PLEKHM3: variants seen among roughly 807,000 people sequenced by gnomAD.
The protein encoded by PLEKHM3 is pleckstrin homology domain containing M3, also known as pleckstrin homology domain-containing family M member 3.
PLEKHM3 carries 45 observed loss-of-function variants against 81.8 expected under a neutral mutation model. That is an observed-to-expected ratio of 0.55 (90% confidence interval 0.43 to 0.71). The LOEUF is 0.71. Ranked by LOEUF, PLEKHM3 falls within the 30% of genes least tolerant of loss-of-function variation. The pLI, the probability that PLEKHM3 is intolerant of heterozygous loss-of-function variation, is 0.00. For missense variants in PLEKHM3, 788 were observed against 924.3 expected, an observed-to-expected ratio of 0.85 and a Z score of 1.91; for synonymous variants, 352 against 356.4, an observed-to-expected ratio of 0.99 and a Z score of 0.14.
Position 208,001,836 on chromosome 2 carries a change from T to A in PLEKHM3, c.-197A>T. 2.6e-6 allele frequency: 2 copies of A among 759,524 alleles called. No individual in the cohort carries two copies. Among genetic ancestry groups the A allele is most frequent in the Non-Finnish European group, 4.1e-6 (2 of 486,096 alleles). 47.0% of individuals were successfully genotyped at this position (759,524 alleles called of 1,614,324 possible). ...GTAATTAAAAGCATTTGCTAGTGGCTAATGGGCATTAACAGATGTATAGGG... is the reference window on the plus strand; with the variant it reads ...GTAATTAAAAGCATTTGCTAGTGGCAAATGGGCATTAACAGATGTATAGGG... On this transcript the variant is annotated 5_prime_UTR_variant, in exon 2 of 8. Coordinates refer to ENST00000427836, the MANE Select transcript of PLEKHM3 (RefSeq NM_001080475.3).
intron 3 of PLEKHM3, among the ~76,000 whole-genome samples, chr2:207,960,737 G>A (rs953430373): frequency 6.6e-6 from 1 of 152,154 alleles, no homozygotes; most frequent in Non-Finnish European, 1.5e-5. Flanking sequence ...TCGGGCTAAA[G>A]GGGCTGCCTG....
intron 7 of PLEKHM3, among the ~76,000 whole-genome samples, chr2:207,849,257 C>G (rs2092399759): frequency 6.6e-6 from 1 of 152,042 alleles, no homozygotes; most frequent in Non-Finnish European, 1.5e-5. Flanking sequence ...TCGCTTGAAC[C>G]CGGGAGGTGG....
chr2:207,969,996 C>T (rs1691055902), intron 3 of PLEKHM3, among the ~76,000 whole-genome samples: 1 of 152,154 alleles, frequency 6.6e-6, no homozygotes, highest in African/African-American at 2.4e-5. Flanking sequence ...CCTTAAAGCA[C>T]CAATAATCAG....
chr2:208,014,578 A>G (rs1692815956), intron 1 of PLEKHM3, among the ~76,000 whole-genome samples: 1 of 152,246 alleles, frequency 6.6e-6, no homozygotes, highest in East Asian at 1.9e-4. Flanking sequence ...TGGGAGGCAG[A>G]GGTTGCAGTG....
intron 2 of PLEKHM3, among the ~76,000 whole-genome samples, chr2:207,988,049 A>G (rs1365888306): frequency 6.6e-6 from 1 of 152,224 alleles, no homozygotes; most frequent in Admixed American, 6.5e-5. Flanking sequence ...ACCTTCTATC[A>G]TATCTTTAAT....
Position 207,976,631 on chromosome 2 carries a change from G to C in PLEKHM3, c.1546+20C>G. 6.2e-7 allele frequency: 1 copy of C among 1,600,044 alleles called. No homozygotes were observed. Among genetic ancestry groups the C allele is most frequent in the Non-Finnish European group, 8.5e-7 (1 of 1,172,284 alleles). On this transcript the variant is annotated intron_variant, in intron 3 of 7. Coordinates refer to ENST00000427836, the MANE Select transcript of PLEKHM3 (RefSeq NM_001080475.3). This position sits in a 1 kb window ranked among gnomAD's most constrained non-coding sequence, Gnocchi z 4.1. ...AGGATTGTTCTTTAATGAGCTATAG[G>C]CTGAAAATCTGCTTCATACCTGCAC...
At chr2:208,021,423 G>C (rs1041646646) in intron 1 of PLEKHM3, among the ~76,000 whole-genome samples, 1 of 152,122 alleles carries the variant, frequency 6.6e-6, no homozygotes, top group South Asian at 2.1e-4. Flanking sequence ...ACCCTACTGA[G>C]AAATAAGTTT....
chr2:207,903,005 T>C (rs1688490178), intron 6 of PLEKHM3, among the ~76,000 whole-genome samples: 1 of 152,034 alleles, frequency 6.6e-6, no homozygotes, highest in Admixed American at 6.5e-5. Context: ...TCCTCTCTCT[T>C]TTCATGGCTC....
chr2:207,897,131 A>C (rs2105881623), intron 6 of PLEKHM3, among the ~76,000 whole-genome samples: 1 of 152,312 alleles, frequency 6.6e-6, no homozygotes, highest in Middle Eastern at 3.4e-3. Context: ...TCCTGGAGGC[A>C]AAAGGAAATG....
In PLEKHM3 at chr2:207,889,924, C is replaced by T. The variant is rs545818685; in HGVS notation, c.1950+18590G>A. ...GTTCAAGTGATTCTCCTGCCTCAGCCTCCCAAGTAGCTGGGACTACAGTGG... is the reference window on the plus strand; with the variant it reads ...GTTCAAGTGATTCTCCTGCCTCAGCTTCCCAAGTAGCTGGGACTACAGTGG... On this transcript the variant is annotated intron_variant, in intron 6 of 7. Transcript: ENST00000427836. Among the ~76,000 whole-genome samples the T allele has an allele frequency of 7.2e-5, 11 of 152,302 alleles. No homozygotes were observed. The South Asian group carries it at 1.2e-3, about 17-fold the overall frequency.
At chr2:207,864,783 T>C (rs1023779598) in intron 6 of PLEKHM3, among the ~76,000 whole-genome samples, 1 of 152,240 alleles carries the variant, frequency 6.6e-6, no homozygotes, top group Non-Finnish European at 1.5e-5. Flanking sequence ...TAATAAGCTC[T>C]GGGGATTGGT....
Position 207,828,050 on chromosome 2 carries a change from C to G in PLEKHM3, c.*269G>C. On this transcript the variant is annotated 3_prime_UTR_variant, in exon 8 of 8. Coordinates refer to ENST00000427836, the MANE Select transcript of PLEKHM3 (RefSeq NM_001080475.3). ...ATACCACGTTTTGTCTGGGAGCAAG[C>G]AGCTGAAATTCTTGGCTAAGTGTAA... 1 of 238,118 alleles carries G rather than the reference C, an allele frequency of 4.2e-6. No individual in the cohort carries two copies. The highest frequency in any genetic ancestry group is 1.7e-4 in the South Asian group (1 of 5,768). 14.8% of individuals were successfully genotyped at this position (238,118 alleles called of 1,614,324 possible).
chr2:207,878,534 G>A (rs1574362602), intron 6 of PLEKHM3, among the ~76,000 whole-genome samples: 1 of 152,358 alleles, frequency 6.6e-6, no homozygotes, highest in East Asian at 1.9e-4. Context: ...CTTGAACCCA[G>A]GAGGTGGAGG....
At chr2:207,998,962 G>A (rs1692204998) in intron 2 of PLEKHM3, among the ~76,000 whole-genome samples, 1 of 152,000 alleles carries the variant, frequency 6.6e-6, no homozygotes, top group African/African-American at 2.4e-5. Context: ...CTAGGCACTG[G>A]GCTTACAGCA....
chr2:207,943,669 C>A (rs1281181901), intron 4 of PLEKHM3, among the ~76,000 whole-genome samples: 1 of 151,804 alleles, frequency 6.6e-6, no homozygotes, highest in Non-Finnish European at 1.5e-5. Context: ...GAGATCGAGA[C>A]CATCCCGGCT....
chr2:207,974,559 A>G (rs1305554886), intron 3 of PLEKHM3, among the ~76,000 whole-genome samples: 1 of 152,202 alleles, frequency 6.6e-6, no homozygotes, highest in Non-Finnish European at 1.5e-5. Context: ...CCAATAACAC[A>G]ACAGATTTGC....
At chr2:207,989,474 T>C (rs985527840) in intron 2 of PLEKHM3, among the ~76,000 whole-genome samples, 2 of 152,218 alleles carry the variant, frequency 1.3e-5, no homozygotes, top group African/African-American at 4.8e-5. Flanking sequence ...AGATTTTCCC[T>C]TTCCTTCATC....
chr2:207,860,919 C>T (rs2092463939), intron 7 of PLEKHM3, among the ~76,000 whole-genome samples, 186 bp downstream of exon 7: 1 of 152,010 alleles, frequency 6.6e-6, no homozygotes, highest in Admixed American at 6.6e-5. Context: ...ATAAAGGTAG[C>T]GAGGTAAGGG....
At position 207,843,927 on chromosome 2, in the gene PLEKHM3, A is replaced by C. The variant is rs1306225980; in HGVS notation, c.2109-15431T>G. On this transcript the variant is annotated intron_variant, in intron 7 of 7. Transcript: ENST00000427836. The surrounding 1 kb of genome is among the most constrained non-coding windows in gnomAD (Gnocchi z 4.4). ...CAACATATTGAGATCTTGTCTCCAC[A>C]GATAAATTAACCAAGCATGGTGGCG... Among the ~76,000 whole-genome samples the C allele has an allele frequency of 1.3e-5, 2 of 152,132 alleles. No homozygotes were observed. The highest frequency in any genetic ancestry group is 2.4e-5 in the African/African-American group (1 of 41,506).
Sources: allele counts gnomAD v4.1 joint callset (sites outside exome capture counted in the v4.1 genomes callset), GRCh38; gene constraint gnomAD v4.1.1; non-coding constraint Gnocchi (gnomAD v3.1); transcripts MANE v1.5; gene names NCBI Gene and HGNC (gene_info 2026-07-23, HGNC 2026-07-21).